The following UBE2W variants were observed in gnomAD, a reference collection of about 807,000 sequenced individuals.
The protein encoded by UBE2W is ubiquitin conjugating enzyme E2 W.
UBE2W carries 18 observed loss-of-function variants against 27.2 expected under a neutral mutation model. The ratio of observed to expected loss-of-function variants is 0.66; its 90% CI spans 0.46 to 0.98. The LOEUF (loss-of-function observed/expected upper bound fraction) is 0.98, where lower values mean the gene tolerates loss of function less well. UBE2W is among the 50% of genes least tolerant of loss of function. The pLI, the probability that UBE2W is intolerant of heterozygous loss-of-function variation, is 0.00. For missense variants in UBE2W, 90 were observed against 180.2 expected (o/e 0.50, Z 2.87); for synonymous variants, 53 against 57.2 (o/e 0.93, Z 0.33).
intron 5 of UBE2W, among the ~76,000 whole-genome samples, chr8:73,796,200 A>G (rs11786311): frequency 0.024 from 3,693 of 152,252 alleles, 61 homozygotes; most frequent in South Asian, 0.042. Flanking sequence ...CGCTTCTGCA[A>G]TAGAGTAACA....
rs1808128263 is a variant in UBE2W, at chr8:73,790,067, A to G, written c.*4035T>C. On this transcript the variant is annotated 3_prime_UTR_variant, in exon 6 of 6. Coordinates refer to ENST00000602593, the MANE Select transcript of UBE2W (RefSeq NM_018299.6). The stretch of plus-strand genomic sequence containing the variant: ...CAACAAATTTAGCCATCTACTGACA[A>G]ACTGAAATTAGTATCAGAAACTCCA... 3 of 985,196 alleles carry G rather than the reference A, an allele frequency of 3.0e-6. No individual in the cohort carries two copies. Among genetic ancestry groups the G allele is most frequent in the South Asian group, 9.4e-5 (2 of 21,298 alleles). The allele number at this position is 985,196 out of a possible 1,614,324, so 61.0% of individuals were successfully genotyped here.
chr8:73,851,841 C>CAGTGTTCTTAACTATAAAAGAAATAA (rs368411062), intron 1 of UBE2W, among the ~76,000 whole-genome samples: 5 of 151,724 alleles, frequency 3.3e-5, no homozygotes, highest in African/African-American at 9.7e-5. Context: ...GGATCAATGA[C>CAGTGTTCTTAACTATAAAAGAAATAA]AGGAAGAAGC....
chr8:73,819,407 T>C, intron 3 of UBE2W, among the ~76,000 whole-genome samples: 1 of 152,210 alleles, frequency 6.6e-6, no homozygotes, highest in Non-Finnish European at 1.5e-5. Context: ...ACGGAATGAA[T>C]ATTTACCTAT....
At position 73,787,121 on chromosome 8, in the gene UBE2W, T is replaced by G. The variant is rs756526673; in HGVS notation, c.*6981A>C. The G allele has an allele frequency of 2.0e-6, 2 of 985,322 alleles. No homozygotes were observed. Among genetic ancestry groups the G allele is most frequent in the Non-Finnish European group, 2.4e-6 (2 of 829,944 alleles). The allele number at this position is 985,322 out of a possible 1,614,324, so 61.0% of individuals were successfully genotyped here. The stretch of plus-strand genomic sequence containing the variant: ...GCGTAGGGATTCCCACTTATGTATT[T>G]TGCATTATGCAGGCAAACATTAAAA... On this transcript the variant is annotated 3_prime_UTR_variant, in exon 6 of 6. Transcript: ENST00000602593.
At chr8:73,819,945 A>C (rs1030217909) in intron 3 of UBE2W, among the ~76,000 whole-genome samples, 3 of 152,228 alleles carry the variant, frequency 2.0e-5, no homozygotes, top group Non-Finnish European at 4.4e-5. Flanking sequence ...TGATAAACTC[A>C]GTACTGTTCA....
chr8:73,825,116 C>CAAA, intron 3 of UBE2W, 31 bp downstream of exon 3: 1 of 1,115,606 alleles, frequency 9.0e-7, no homozygotes, highest in Non-Finnish European at 1.2e-6. Flanking sequence ...TCTAAAAATA[C>CAAA]AAAAAAAAAA....
intron 5 of UBE2W, among the ~76,000 whole-genome samples, chr8:73,801,229 T>C (rs1345374877): frequency 6.6e-6 from 1 of 152,230 alleles, no homozygotes; most frequent in Non-Finnish European, 1.5e-5. Context: ...GAAGTATTCT[T>C]AGATGAAAGA....
chr8:73,858,683 TAA>T (rs34554998), intron 1 of UBE2W, among the ~76,000 whole-genome samples: 4,845 of 134,262 alleles, frequency 0.036, 95 homozygotes, highest in African/African-American at 0.048. Flanking sequence ...GAAAAAGTGC[TAA>T]AAAAAAAAAA....
intron 1 of UBE2W, among the ~76,000 whole-genome samples, chr8:73,864,984 A>C (rs1349143400): frequency 6.6e-6 from 1 of 152,008 alleles, no homozygotes; most frequent in Non-Finnish European, 1.5e-5. Flanking sequence ...TTTTCTCCAA[A>C]AGGCACAGCA....
chr8:73,791,417 T>C lies in UBE2W; in HGVS notation c.*2685A>G, dbSNP rs1808190313. The C allele has an allele frequency of 1.0e-6, 1 of 984,570 alleles. No individual in the cohort carries two copies. The highest frequency in any genetic ancestry group is 1.7e-5 in the African/African-American group (1 of 57,220). 61.0% of individuals were successfully genotyped at this position (984,570 alleles called of 1,614,324 possible). On this transcript the variant is annotated 3_prime_UTR_variant, in exon 6 of 6. Coordinates refer to ENST00000602593, the MANE Select transcript of UBE2W (RefSeq NM_018299.6). ...TAAATAAAAGAAGAAGAGTGTACCT[T>C]ATCTTCTAAGTATGAAAGTCTAATT...
At position 73,794,856 on chromosome 8, in the gene UBE2W, AAAAAAAAAAAAAAG is replaced by A. The variant is rs1225122655; in HGVS notation, c.443-755_443-742del. On this transcript the variant is annotated intron_variant, in intron 5 of 5. Coordinates refer to ENST00000602593, the MANE Select transcript of UBE2W (RefSeq NM_018299.6). ...AGGCAGAGGGAGGCTCTGTCTCATA[AAAAAAAAAAAAAAG>A]AAAAAAAAAAAAAGAAAATAAGCTT... is the stretch of plus-strand genomic sequence containing the variant. Among the ~76,000 whole-genome samples, 1,132 of 146,632 alleles carry A rather than the reference AAAAAAAAAAAAAAG, an allele frequency of 7.7e-3. 5 individuals are homozygous for A. Among genetic ancestry groups the A allele is most frequent in the African/African-American group, 0.015 (601 of 40,296 alleles).
intron 3 of UBE2W, among the ~76,000 whole-genome samples, chr8:73,822,539 C>T (rs547757433): frequency 1.3e-3 from 182 of 136,518 alleles, no homozygotes; most frequent in African/African-American, 4.5e-3. Flanking sequence ...CAACAGCAAC[C>T]CCCTTTGGGT....
At chr8:73,810,685 A>C in intron 3 of UBE2W, 56 bp from the exon 4 acceptor site, 1 of 1,368,316 alleles carries the variant, frequency 7.3e-7, no homozygotes, top group Non-Finnish European at 9.7e-7. Flanking sequence ...CCAAAAACTA[A>C]AATATTCTCC....
chr8:73,821,138 T>C (rs570609284), intron 3 of UBE2W, among the ~76,000 whole-genome samples: 1 of 152,242 alleles, frequency 6.6e-6, no homozygotes, highest in African/African-American at 2.4e-5. Context: ...ATTGGCAGTA[T>C]GGCAAAGGAG....
At chr8:73,812,768 C>T (rs1472133411) in intron 3 of UBE2W, among the ~76,000 whole-genome samples, 2 of 151,752 alleles carry the variant, frequency 1.3e-5, no homozygotes, top group African/African-American at 2.4e-5. Context: ...TTTGGCAGGC[C>T]GAGGTGGGTG....
At chr8:73,829,268 A>T (rs1225438510) in intron 2 of UBE2W, among the ~76,000 whole-genome samples, 4 of 152,156 alleles carry the variant, frequency 2.6e-5, no homozygotes, top group East Asian at 1.9e-4. Flanking sequence ...ATGAAAGAAG[A>T]AGTAATCTCA....
At chr8:73,825,294 G>A (rs1257408916) in intron 2 of UBE2W, 45 bp from the exon 3 acceptor site, 1 of 1,380,086 alleles carries the variant, frequency 7.2e-7, no homozygotes, top group Non-Finnish European at 9.9e-7. Context: ...AATAGAGACT[G>A]GGGTAAGGAG....
At chr8:73,870,789 T>C (rs1811973845) in intron 1 of UBE2W, among the ~76,000 whole-genome samples, 1 of 144,560 alleles carries the variant, frequency 6.9e-6, no homozygotes, top group African/African-American at 2.6e-5. Context: ...AAGGGCTCTC[T>C]TAAAAAAAAA....
intron 1 of UBE2W, chr8:73,833,749 G>C (rs1280583212): frequency 1.3e-5 from 2 of 152,088 alleles, no homozygotes; most frequent in African/African-American, 4.8e-5. Flanking sequence ...AGATTATAAA[G>C]GGTCTTAATA....
Sources: allele counts gnomAD v4.1 joint callset (sites outside exome capture counted in the v4.1 genomes callset), GRCh38; gene constraint gnomAD v4.1.1; transcripts MANE v1.5; gene names NCBI Gene and HGNC (gene_info 2026-07-23, HGNC 2026-07-21).